ARHGEF11: variants seen among roughly 807,000 people sequenced by gnomAD.
ARHGEF11 encodes the protein Rho guanine exchange factor (GEF) 11.
A neutral mutation model predicts 193.7 loss-of-function variants in ARHGEF11; 55 were observed. That is an observed-to-expected ratio of 0.28 (90% CI 0.23 to 0.36). The LOEUF (loss-of-function observed/expected upper bound fraction) is 0.36. ARHGEF11 is among the 10% of genes least tolerant of loss of function. ARHGEF11 has a pLI of 1.00. For missense variants in ARHGEF11, 1,723 were observed against 2,005.6 expected (o/e 0.86, Z 2.69); for synonymous variants, 693 against 768.0 (o/e 0.90, Z 1.62).
chr1:156,982,627 T>G (rs1664345139), intron 3 of ARHGEF11, among the ~76,000 whole-genome samples: 1 of 152,172 alleles, frequency 6.6e-6, no homozygotes, highest in South Asian at 2.1e-4. Context: ...TTTTCCTTCT[T>G]TCTTCTCTGG....
intron 7 of ARHGEF11, among the ~76,000 whole-genome samples, chr1:156,976,781 T>C (rs1268524192): frequency 2.0e-5 from 3 of 152,264 alleles, no homozygotes; most frequent in Non-Finnish European, 2.9e-5. Context: ...TGGAGAATCC[T>C]ATTCACTTTA....
intron 25 of ARHGEF11, 107 bp downstream of exon 25, chr1:156,947,662 A>G: frequency 1.4e-6 from 2 of 1,449,970 alleles, no homozygotes; most frequent in African/African-American, 1.4e-5. Context: ...TCCAGCACAC[A>G]GGGGCCCCCC....
chr1:156,994,453 G>T (rs912437874), intron 1 of ARHGEF11, among the ~76,000 whole-genome samples: 1 of 151,364 alleles, frequency 6.6e-6, no homozygotes, highest in African/African-American at 2.4e-5. Context: ...CAGGTGTGAG[G>T]GGAACAGAAC....
At chr1:157,036,198 TATATATAC>T (rs1160236550) in intron 1 of ARHGEF11, among the ~76,000 whole-genome samples, 2 of 137,436 alleles carry the variant, frequency 1.5e-5, no homozygotes, top group African/African-American at 2.9e-5. Context: ...CATATATGAA[TATATATAC>T]ATATATATAT....
chr1:156,938,629 G>A, intron 37 of ARHGEF11, 116 bp from the exon 38 acceptor site: 2 of 860,932 alleles, frequency 2.3e-6, no homozygotes, highest in Non-Finnish European at 3.7e-6. Flanking sequence ...GGAGAAAATG[G>A]GAAGAACAAG....
chr1:157,046,166 TCCCCGGCCCGGCCCGCGGGCGA>T (rs984634064), upstream of ARHGEF11, among the ~76,000 whole-genome samples: 4 of 149,964 alleles, frequency 2.7e-5, no homozygotes, highest in Non-Finnish European at 5.9e-5. Flanking sequence ...CTCAGCCGGA[TCCCCGGCCCGGCCCGCGGGCGA>T]CCCCGGCCCT....
In ARHGEF11 at chr1:157,029,250, C is replaced by T. The variant is rs548546915; in HGVS notation, c.32+15049G>A. Among the ~76,000 whole-genome samples, 21 of 80,388 alleles carry T rather than the reference C, an allele frequency of 2.6e-4. No homozygotes were observed. The Admixed American group carries it at 3.0e-3, about 12-fold the overall frequency. 52.7% of individuals were successfully genotyped at this position (80,388 alleles called of 152,430 possible). ...GTGGAAATGTAAAATGGTGCAACCA[C>T]TTTGGTGGTTTTTGTTGTTGTTGTT... is the stretch of plus-strand genomic sequence containing the variant. On this transcript the variant is annotated intron_variant, in intron 1 of 40. Transcript: ENST00000368194.
chr1:157,019,996 G>A (rs368422798), intron 1 of ARHGEF11, among the ~76,000 whole-genome samples: 45 of 152,022 alleles, frequency 3.0e-4, no homozygotes, highest in African/African-American at 8.2e-4. Context: ...GTGTGGTGGC[G>A]GGCGCCTGTA....
In ARHGEF11 at chr1:156,946,897, A is replaced by G. The variant is rs567575396; in HGVS notation, c.2568+39T>C. 2.1e-5 allele frequency: 34 copies of G among 1,613,256 alleles called. No individual in the cohort carries two copies. In the African/African-American group the frequency reaches 3.6e-4, roughly 17 times the overall value. ...GGGTAATGAGACCCTGCCTCCCCCAATCTCCTCCTTGCCAAGAGGGAGAAG... is the reference window on the plus strand; with the variant it reads ...GGGTAATGAGACCCTGCCTCCCCCAGTCTCCTCCTTGCCAAGAGGGAGAAG... On this transcript the variant is annotated intron_variant, in intron 27 of 40. Coordinates refer to ENST00000368194, the MANE Select transcript of ARHGEF11 (RefSeq NM_198236.3).
chr1:156,971,421 C>T (rs914976264), intron 8 of ARHGEF11, among the ~76,000 whole-genome samples: 1 of 152,242 alleles, frequency 6.6e-6, no homozygotes, highest in African/African-American at 2.4e-5. Flanking sequence ...GAGACTAACA[C>T]TGACAATCTG....
chr1:157,038,550 C>G (rs1442392855), intron 1 of ARHGEF11, among the ~76,000 whole-genome samples: 1 of 152,144 alleles, frequency 6.6e-6, no homozygotes, highest in Non-Finnish European at 1.5e-5. Context: ...GAACCATCCT[C>G]CAGAGATCAC....
chr1:156,954,763 G>C (rs1228179177), intron 21 of ARHGEF11, 129 bp downstream of exon 21: 1 of 827,412 alleles, frequency 1.2e-6, no homozygotes, highest in African/African-American at 1.7e-5. Flanking sequence ...GAGAAATGGA[G>C]AGAAGAAAGA....
chr1:156,957,380 T>C (rs1191850119), intron 18 of ARHGEF11, among the ~76,000 whole-genome samples: 1 of 152,198 alleles, frequency 6.6e-6, no homozygotes, highest in African/African-American at 2.4e-5. Flanking sequence ...GGAACTATGC[T>C]GCACCCCAGC....
chr1:156,947,791 A>C lies in ARHGEF11; in HGVS notation c.2319T>G (p.Ile773Met), dbSNP rs569958828. Residue 773 changes from isoleucine (I) to methionine (M), a missense_variant, in exon 25 of 41, where the codon ATT becomes ATG. Ile to Met is a conservative substitution (Grantham distance 10, BLOSUM62 1). Coordinates refer to ENST00000368194, the MANE Select transcript of ARHGEF11 (RefSeq NM_198236.3). ...DVVAGLTQRE[I>M]DRQEVINELF... ...CACCATTGATGACCTCTTGCCGGTCAATCTCCCGCTGGGTTAGCCCAGCCA... is the reference window on the plus strand; with the variant it reads ...CACCATTGATGACCTCTTGCCGGTCCATCTCCCGCTGGGTTAGCCCAGCCA... The C allele has an allele frequency of 6.2e-7, 1 of 1,613,562 alleles. No individual in the cohort carries two copies. Among genetic ancestry groups the C allele is most frequent in the Admixed American group, 1.7e-5 (1 of 60,018 alleles).
chr1:156,947,916 G>A lies in ARHGEF11; in HGVS notation c.2194C>T (p.Leu732Phe), dbSNP rs776364801. The A allele has an allele frequency of 2.5e-6, 4 of 1,614,074 alleles. No homozygotes were observed. The highest frequency in any genetic ancestry group is 3.4e-6 in the Non-Finnish European group (4 of 1,180,004). Residue 732 changes from leucine (L) to phenylalanine (F), a missense_variant, in exon 25 of 41, where the codon CTC becomes TTC. Physicochemically the swap from Leu to Phe is conservative, Grantham distance 22. Around this residue, in one of 5 missense-constraint regions of ARHGEF11, gnomAD observed 491 missense variants for 654.5 expected, o/e 0.75. Transcript: ENST00000368194. The part of the protein sequence containing the change: ...SPSLGFCTDT[L>F]LPHLLEDDLG... The stretch of plus-strand genomic sequence containing the variant: ...TCATCCTCTAGGAGGTGGGGAAGGA[G>A]GGTATCTGTGCAGAACCCCAAACTG...
chr1:156,987,924 C>A (rs975654022), intron 1 of ARHGEF11, among the ~76,000 whole-genome samples: 2 of 152,312 alleles, frequency 1.3e-5, no homozygotes. Flanking sequence ...AGGGGAGGCA[C>A]CTGGCCACAA....
chr1:156,982,106 C>A (rs894036105), intron 3 of ARHGEF11, among the ~76,000 whole-genome samples: 2 of 152,056 alleles, frequency 1.3e-5, no homozygotes, highest in African/African-American at 4.8e-5. Flanking sequence ...CCCTCTTATA[C>A]GTTCATTTAG....
chr1:156,952,377 A>G (rs963546705), intron 21 of ARHGEF11, among the ~76,000 whole-genome samples: 1 of 152,210 alleles, frequency 6.6e-6, no homozygotes, highest in Non-Finnish European at 1.5e-5. Flanking sequence ...TGCCAACTAC[A>G]GCCCCTGGAG....
intron 19 of ARHGEF11, 124 bp downstream of exon 19, chr1:156,956,296 A>T: frequency 9.9e-7 from 1 of 1,006,640 alleles, no homozygotes; most frequent in Non-Finnish European, 1.5e-6. Context: ...TTTGTATTTT[A>T]ATAGAGATGG....
Sources: gnomAD v4.1 joint callset for allele counts (sites outside exome capture counted in the v4.1 genomes callset) on GRCh38, gnomAD v4.1.1 for gene constraint, gnomAD v4.1.1 regional missense constraint, MANE v1.5 for transcripts, NCBI Gene and HGNC (gene_info 2026-07-23, HGNC 2026-07-21) for gene names.